The following CEP112 variants were observed in gnomAD, a reference collection of about 807,000 sequenced individuals.
CEP112 encodes centrosomal protein 112.
A neutral mutation model predicts 153.0 loss-of-function variants in CEP112; 127 were observed. The observed-to-expected ratio is 0.83, with a 90% CI of 0.72 to 0.96. CEP112 has a LOEUF of 0.96. CEP112 is among the 40% of genes least tolerant of loss of function. The pLI, the probability that CEP112 is intolerant of heterozygous loss-of-function variation, is 0.00. For synonymous variants in CEP112, 358 were observed against 374.4 expected (o/e 0.96, Z 0.51); for missense variants, 1,089 against 1,101.2 (o/e 0.99, Z 0.16).
intron 24 of CEP112, among the ~76,000 whole-genome samples, chr17:65,660,505 TCC>T (rs1567825496): frequency 2.7e-5 from 3 of 112,662 alleles, no homozygotes; most frequent in Admixed American, 9.9e-5. Flanking sequence ...CTTCCTTCCT[TCC>T]TTCCTTCCTT....
intron 19 of CEP112, among the ~76,000 whole-genome samples, chr17:65,919,584 G>A (rs575392697): frequency 6.6e-6 from 1 of 152,262 alleles, no homozygotes; most frequent in South Asian, 2.1e-4. Context: ...GTCAGCGGTG[G>A]AATCAGAGAA....
At chr17:65,721,771 A>C (rs944697597) in intron 23 of CEP112, among the ~76,000 whole-genome samples, 2 of 152,192 alleles carry the variant, frequency 1.3e-5, no homozygotes, top group African/African-American at 4.8e-5. Flanking sequence ...GTTTAAAAAG[A>C]TGCCTTTTCA....
At position 66,049,906 on chromosome 17, in the gene CEP112, T is replaced by A. The variant is rs143492750; in HGVS notation, c.1218+3830A>T. On this transcript the variant is annotated intron_variant, in intron 12 of 26. Coordinates refer to ENST00000535342, the MANE Select transcript of CEP112 (RefSeq NM_001199165.4). ...GAGAAACTATCATAGAAATAAAGAA[T>A]AGGAAGAAAATACAAAGAGATAGAA... Among the ~76,000 whole-genome samples, 488 of 151,958 alleles carry A rather than the reference T, an allele frequency of 3.2e-3. 3 individuals are homozygous for A. Among genetic ancestry groups the A allele is most frequent in the African/African-American group, 0.011 (470 of 41,432 alleles).
intron 6 of CEP112, among the ~76,000 whole-genome samples, chr17:66,113,042 C>T (rs1305122021): frequency 6.6e-6 from 1 of 151,916 alleles, no homozygotes; most frequent in Non-Finnish European, 1.5e-5. Flanking sequence ...GCACTCCAGC[C>T]TGGGTAACAA....
intron 19 of CEP112, among the ~76,000 whole-genome samples, chr17:65,911,300 T>C (rs1048305554): frequency 2.6e-5 from 4 of 152,194 alleles, no homozygotes; most frequent in African/African-American, 9.6e-5. Flanking sequence ...AAAATATAAA[T>C]GTTATAAACT....
chr17:65,671,653 AGTAT>A (rs2046989231), intron 24 of CEP112, among the ~76,000 whole-genome samples: 1 of 152,132 alleles, frequency 6.6e-6, no homozygotes, highest in African/African-American at 2.4e-5. Flanking sequence ...GTACATATAT[AGTAT>A]GTGTGTGTAT....
At chr17:65,795,602 A>G (rs1363893978) in intron 21 of CEP112, among the ~76,000 whole-genome samples, 2 of 152,188 alleles carry the variant, frequency 1.3e-5, no homozygotes, top group Non-Finnish European at 2.9e-5. Context: ...ACTTGAGGTC[A>G]GGAGTTCAAG....
At chr17:66,051,348 G>A (rs2066432552) in intron 12 of CEP112, among the ~76,000 whole-genome samples, 1 of 148,130 alleles carries the variant, frequency 6.8e-6, no homozygotes, top group African/African-American at 2.5e-5. Flanking sequence ...AATGATCTGA[G>A]TGTTTATTAT....
intron 23 of CEP112, among the ~76,000 whole-genome samples, chr17:65,702,932 G>A (rs2048713335): frequency 6.6e-6 from 1 of 152,122 alleles, no homozygotes; most frequent in Non-Finnish European, 1.5e-5. Flanking sequence ...CCCCCTTCCA[G>A]TCCCTCCCAT....
chr17:65,810,312 T>G (rs753707897), intron 21 of CEP112, among the ~76,000 whole-genome samples: 8 of 152,044 alleles, frequency 5.3e-5, no homozygotes, highest in Admixed American at 6.6e-5. Context: ...CCACACACAT[T>G]TCCTAGCCCC....
chr17:65,644,373 C>A (rs773940890), intron 24 of CEP112: 4 of 559,244 alleles, frequency 7.2e-6, no homozygotes, highest in South Asian at 3.6e-5. Context: ...TCAAGTCTGG[C>A]ATTTTCCAGG....
chr17:65,868,610 C>T (rs117688277), intron 20 of CEP112, among the ~76,000 whole-genome samples: 4,796 of 151,702 alleles, frequency 0.032, 95 homozygotes, highest in Non-Finnish European at 0.048. Context: ...GGACAGCATA[C>T]ACATTAAAAA....
chr17:65,916,600 G>A (rs1226269683), intron 19 of CEP112, among the ~76,000 whole-genome samples: 2 of 151,522 alleles, frequency 1.3e-5, no homozygotes, highest in African/African-American at 2.4e-5. Context: ...TAGATGGAGT[G>A]CAGTGGTGCT....
intron 20 of CEP112, among the ~76,000 whole-genome samples, chr17:65,887,198 G>A (rs978591792): frequency 2.6e-5 from 4 of 152,070 alleles, no homozygotes; most frequent in South Asian, 2.1e-4. Flanking sequence ...AGACACATTC[G>A]GGTTCACATC....
chr17:65,847,065 G>A, intron 21 of CEP112, among the ~76,000 whole-genome samples: 1 of 152,256 alleles, frequency 6.6e-6, no homozygotes, highest in East Asian at 1.9e-4. Flanking sequence ...GGACTCTGAG[G>A]TTGGTGAATT....
At chr17:65,940,027 CA>C (rs2061461633) in intron 18 of CEP112, among the ~76,000 whole-genome samples, 2 of 152,006 alleles carry the variant, frequency 1.3e-5, no homozygotes, top group Non-Finnish European at 2.9e-5. Context: ...ATAAAGAACA[CA>C]AATAACTCAA....
At chr17:65,696,943 G>A (rs185273718) in intron 23 of CEP112, among the ~76,000 whole-genome samples, 3 of 152,240 alleles carry the variant, frequency 2.0e-5, no homozygotes, top group East Asian at 1.9e-4. Context: ...GGAGGGATGC[G>A]GGAGGATTTA....
intron 24 of CEP112, chr17:65,655,337 T>C (rs531260317): frequency 1.0e-4 from 164 of 1,569,204 alleles, no homozygotes; most frequent in Non-Finnish European, 1.4e-4. Flanking sequence ...ATGAAAATCT[T>C]GCCAAATTAC....
chr17:66,039,352 G>A (rs2065877656), intron 12 of CEP112, among the ~76,000 whole-genome samples: 2 of 152,034 alleles, frequency 1.3e-5, no homozygotes, highest in Admixed American at 1.3e-4. Flanking sequence ...TTAGTATTAG[G>A]CAACTACTTG....
Sources: gnomAD v4.1 joint callset for allele counts (sites outside exome capture counted in the v4.1 genomes callset) on GRCh38, gnomAD v4.1.1 for gene constraint, MANE v1.5 for transcripts, NCBI Gene and HGNC (gene_info 2026-07-23, HGNC 2026-07-21) for gene names.